Variants in NLRP8 observed in about 807,000 individuals in gnomAD.
The protein encoded by NLRP8 is NACHT, LRR and PYD domains-containing protein 8.
In NLRP8, 86 loss-of-function variants were observed where a neutral mutation model predicts 88.7. The observed-to-expected ratio is 0.97, with a 90% CI of 0.81 to 1.16. The LOEUF (loss-of-function observed/expected upper bound fraction) is 1.16. NLRP8 is among the 50% of genes most tolerant of loss of function. The pLI, the probability that NLRP8 is intolerant of heterozygous loss-of-function variation, is 0.00. For synonymous variants in NLRP8, 504 were observed against 494.6 expected, an observed-to-expected ratio of 1.02 and a Z score of -0.25; for missense variants, 1,342 against 1,286.5, an observed-to-expected ratio of 1.04 and a Z score of -0.66.
At chr19:55,959,895 A>T (rs1979536535) in intron 3 of NLRP8, among the ~76,000 whole-genome samples, 1 of 152,166 alleles carries the variant, frequency 6.6e-6, no homozygotes, top group Non-Finnish European at 1.5e-5. Flanking sequence ...CTGGAGCCTT[A>T]GTAAATTTAC....
rs1023689238 is a variant in NLRP8, at chr19:55,948,521, C to T, written c.367+252C>T. Among the ~76,000 whole-genome samples the T allele has an allele frequency of 3.3e-5, 5 of 152,296 alleles. No individual in the cohort carries two copies. The South Asian group carries it at 8.3e-4, about 25-fold the overall frequency. On this transcript the variant is annotated intron_variant, in intron 1 of 9. Coordinates refer to ENST00000291971, the MANE Select transcript of NLRP8 (RefSeq NM_176811.2). ...CACAATCTCGGCTCACTGCAAACCC[C>T]GCCTCCCAGGTACAGGTGATTCTCC...
At chr19:55,975,353 T>G (rs374956508) in intron 7 of NLRP8, among the ~76,000 whole-genome samples, 3 of 152,218 alleles carry the variant, frequency 2.0e-5, no homozygotes, top group African/African-American at 7.2e-5. Flanking sequence ...GCCACTGCTT[T>G]GGAAAGCAGC....
At chr19:55,982,795 A>G (rs1980627395) in intron 9 of NLRP8, among the ~76,000 whole-genome samples, 1 of 152,132 alleles carries the variant, frequency 6.6e-6, no homozygotes, top group Non-Finnish European at 1.5e-5. Flanking sequence ...ATGTTTTACA[A>G]ATCACCTGGG....
intron 9 of NLRP8, among the ~76,000 whole-genome samples, chr19:55,983,818 CAAAAAAAA>C (rs56312019): frequency 1.1e-4 from 9 of 84,652 alleles, no homozygotes; most frequent in East Asian, 3.9e-4. Flanking sequence ...CTAGTAGATG[CAAAAAAAA>C]AAAAAAAAAA....
At chr19:55,951,136 C>G (rs1345813972) in intron 1 of NLRP8, among the ~76,000 whole-genome samples, 1 of 152,020 alleles carries the variant, frequency 6.6e-6, no homozygotes, top group Non-Finnish European at 1.5e-5. Flanking sequence ...TGCTGATGTG[C>G]CTTTCCATGT....
At position 55,955,069 on chromosome 19, in the gene NLRP8, C is replaced by G. The variant is rs1207853075; in HGVS notation, c.1011C>G (p.Thr337=). ...CGCTACTGATCATGATAAGATTTAC[C>G]TCTTGGCAGACATGCAAGCCCTTGC... Residue 337 remains threonine, a synonymous_variant, in exon 3 of 10, where the codon ACC becomes ACG. Coordinates refer to ENST00000291971, the MANE Select transcript of NLRP8 (RefSeq NM_176811.2). 1.2e-6 allele frequency: 2 copies of G among 1,613,992 alleles called. No individual in the cohort carries two copies. Among genetic ancestry groups the G allele is most frequent in the Admixed American group, 3.3e-5 (2 of 59,998 alleles).
intron 1 of NLRP8, among the ~76,000 whole-genome samples, chr19:55,948,545 C>T (rs1225730866): frequency 1.3e-5 from 2 of 152,204 alleles, no homozygotes; most frequent in Non-Finnish European, 2.9e-5. Flanking sequence ...AGGTGATTCT[C>T]CTGCCTCAGC....
Position 55,975,983 on chromosome 19 carries a change from CAAAAACA to C in NLRP8, c.2706-140_2706-134del, listed in dbSNP as rs1980293995. On this transcript the variant is annotated intron_variant, in intron 7 of 9. Transcript: ENST00000291971. The stretch of plus-strand genomic sequence containing the variant: ...ATTGCATCTTGGTTATGCCATTATG[CAAAAACA>C]AAAAACAAACAAACAAAACAAACAA... 1.5e-5 allele frequency: 11 copies of C among 756,964 alleles called. No homozygotes were observed. The South Asian group carries it at 2.7e-4, about 18-fold the overall frequency. 46.9% of individuals were successfully genotyped at this position (756,964 alleles called of 1,614,324 possible).
At chr19:55,961,539 C>T (rs945036321) in intron 3 of NLRP8, among the ~76,000 whole-genome samples, 5 of 152,180 alleles carry the variant, frequency 3.3e-5, no homozygotes, top group African/African-American at 4.8e-5. Flanking sequence ...CGGTGATTCA[C>T]ACCTGTAACC....
rs550028224 is a variant in NLRP8 at position 55,966,789 on chromosome 19, C to T, written c.2381+409C>T. On this transcript the variant is annotated intron_variant, in intron 5 of 9. Coordinates refer to ENST00000291971, the MANE Select transcript of NLRP8 (RefSeq NM_176811.2). ...CAAGATCGTGCCATTGCACTCCAGC[C>T]TGAGCGACAGAGGGCGACTCTGTCT... Among the ~76,000 whole-genome samples, 203 of 152,228 alleles carry T rather than the reference C, an allele frequency of 1.3e-3. 2 individuals carry two copies. Among genetic ancestry groups the T allele is most frequent in the Non-Finnish European group, 4.0e-4 (27 of 68,014 alleles).
Position 55,955,093 on chromosome 19 carries a change from G to A in NLRP8, c.1035G>A (p.Leu345=), listed in dbSNP as rs773936941. Residue 345 remains leucine (L), a synonymous_variant, in exon 3 of 10, where the codon TTG becomes TTA. Transcript: ENST00000291971. ...CCTCTTGGCAGACATGCAAGCCCTTGCTGAAATGTCCCTCTCTCGTAACCC... is the reference window on the plus strand; with the variant it reads ...CCTCTTGGCAGACATGCAAGCCCTTACTGAAATGTCCCTCTCTCGTAACCC... 2.5e-6 allele frequency: 4 copies of A among 1,613,940 alleles called. No homozygotes were observed. Among genetic ancestry groups the A allele is most frequent in the Non-Finnish European group, 2.5e-6 (3 of 1,180,004 alleles).
chr19:55,979,420 T>C lies in NLRP8; in HGVS notation c.2903T>C (p.Ile968Thr). 2 of 1,614,034 alleles carry C rather than the reference T, an allele frequency of 1.2e-6. No individual in the cohort carries two copies. Among genetic ancestry groups the C allele is most frequent in the Non-Finnish European group, 1.7e-6 (2 of 1,180,034 alleles). The change falls in exon 9 of 10, where the codon ATC becomes ACC. Residue 968 changes from isoleucine (I) to threonine (T), a missense_variant. Coordinates refer to ENST00000291971, the MANE Select transcript of NLRP8 (RefSeq NM_176811.2). The stretch of plus-strand genomic sequence containing the variant: ...CTGGAAAACTGCCTGTTCACCTCCA[T>C]CTGCTGCCAGGCCATGGCTTCCATG...
Position 55,985,725 on chromosome 19 carries a change from A to G in NLRP8, c.3048-2089A>G, listed in dbSNP as rs116545229. Among the ~76,000 whole-genome samples, 700 of 152,330 alleles carry G rather than the reference A, an allele frequency of 4.6e-3. 3 individuals carry two copies. The highest frequency in any genetic ancestry group is 0.016 in the African/African-American group (654 of 41,568). ...ATAAATTCTTCAAATGGAATTTTCA[A>G]ACACATTTGGCCAGGCACACTGGCT... On this transcript the variant is annotated intron_variant, in intron 9 of 9. Coordinates refer to ENST00000291971, the MANE Select transcript of NLRP8 (RefSeq NM_176811.2).
intron 7 of NLRP8, among the ~76,000 whole-genome samples, chr19:55,974,380 C>T (rs962199849): frequency 1.3e-5 from 2 of 152,118 alleles, no homozygotes; most frequent in African/African-American, 4.8e-5. Context: ...TGTTCCCATA[C>T]ATCCTTCTGC....
intron 3 of NLRP8, among the ~76,000 whole-genome samples, chr19:55,958,848 G>T (rs758693456): frequency 2.0e-5 from 3 of 151,932 alleles, no homozygotes; most frequent in Non-Finnish European, 4.4e-5. Context: ...ACCGCGTCCA[G>T]CCAGGGCCTA....
intron 9 of NLRP8, among the ~76,000 whole-genome samples, chr19:55,987,452 T>C (rs1176317372): frequency 6.6e-6 from 1 of 152,120 alleles, no homozygotes; most frequent in Non-Finnish European, 1.5e-5. Context: ...TTGGTAGGAG[T>C]CCAGAGGGTG....
intron 5 of NLRP8, among the ~76,000 whole-genome samples, chr19:55,966,923 A>G (rs1979869714): frequency 6.6e-6 from 1 of 152,200 alleles, no homozygotes; most frequent in Non-Finnish European, 1.5e-5. Flanking sequence ...ATATTTTCTA[A>G]CTTTTTATTT....
rs201719130 is a variant in NLRP8 at position 55,952,060 on chromosome 19, GT to G, written c.368-472del. Among the ~76,000 whole-genome samples, 1,512 of 152,194 alleles carry G rather than the reference GT, an allele frequency of 9.9e-3. 27 individuals are homozygous for G. The highest frequency in any genetic ancestry group is 0.034 in the African/African-American group (1,427 of 41,518). Reference sequence around the variant, plus strand: ...AGCCACAGTGCCCAGCCTCGTATTGGTTTTTTAATTGTATTATTTTATTGTT... The same window carrying G: ...AGCCACAGTGCCCAGCCTCGTATTGGTTTTTAATTGTATTATTTTATTGTT... On this transcript the variant is annotated intron_variant, in intron 1 of 9. Coordinates refer to ENST00000291971, the MANE Select transcript of NLRP8 (RefSeq NM_176811.2).
In NLRP8 at chr19:55,954,495, A is replaced by C. The variant is rs370177985; in HGVS notation, c.443-6A>C. ...ACCCTTTATTTCTCCCATCTCACAA[A>C]TCTAGGTAAAATACGGCGGTATAAA... On this transcript the variant is annotated splice_polypyrimidine_tract_variant and splice_region_variant and intron_variant, in intron 2 of 9. Transcript: ENST00000291971. 18 of 1,610,960 alleles carry C rather than the reference A, an allele frequency of 1.1e-5. No homozygotes were observed. The South Asian group carries it at 1.9e-4, about 17-fold the overall frequency.
Sources: gnomAD v4.1 joint callset for allele counts (sites outside exome capture counted in the v4.1 genomes callset) on GRCh38, gnomAD v4.1.1 for gene constraint, MANE v1.5 for transcripts, NCBI Gene and HGNC (gene_info 2026-07-23, HGNC 2026-07-21) for gene names.